Variants in FAM13C observed in about 807,000 individuals in gnomAD.
FAM13C encodes family with sequence similarity 13 member C, also known as protein FAM13C.
In FAM13C, 37 loss-of-function variants were observed where a neutral mutation model predicts 73.2. The ratio of observed to expected loss-of-function variants is 0.51; its 90% CI spans 0.39 to 0.67. The LOEUF (loss-of-function observed/expected upper bound fraction) is 0.67. Ranked by LOEUF, FAM13C falls within the 30% of genes least tolerant of loss-of-function variation. FAM13C has a pLI of 0.00. For synonymous variants in FAM13C, 246 were observed against 260.9 expected (o/e 0.94, Z 0.55); for missense variants, 589 against 715.6 (o/e 0.82, Z 2.02).
chr10:59,345,065 T>C (rs1242366478), intron 3 of FAM13C, among the ~76,000 whole-genome samples: 2 of 152,150 alleles, frequency 1.3e-5, no homozygotes, highest in Non-Finnish European at 2.9e-5. Context: ...TATTTAAGTA[T>C]GTAAAAGATG....
intron 11 of FAM13C, chr10:59,253,744 C>T (rs1051665917): frequency 6.6e-6 from 1 of 152,050 alleles, no homozygotes; most frequent in Non-Finnish European, 1.5e-5. Flanking sequence ...AATATTTATT[C>T]CTTTTTATAT....
intron 13 of FAM13C, 68 bp downstream of exon 13, chr10:59,251,507 T>C: frequency 7.3e-7 from 1 of 1,377,558 alleles, no homozygotes; most frequent in Non-Finnish European, 1.0e-6. Context: ...TGCAAAAAAT[T>C]GCAGCTCATT....
At chr10:59,361,140 T>A in intron 1 of FAM13C, 1 of 1,271,626 alleles carries the variant, frequency 7.9e-7, no homozygotes, top group Non-Finnish European at 1.0e-6. Flanking sequence ...CAGCACAGGT[T>A]ACCAAGCAAT....
At chr10:59,318,284 C>T (rs58599911) in intron 4 of FAM13C, among the ~76,000 whole-genome samples, 6,865 of 151,440 alleles carry the variant, frequency 0.045, 532 homozygotes, top group African/African-American at 0.16. Flanking sequence ...AAAAAAACAA[C>T]AAAAAAGGAA....
At chr10:59,317,589 C>A (rs556528019) in intron 4 of FAM13C, among the ~76,000 whole-genome samples, 38 of 152,094 alleles carry the variant, frequency 2.5e-4, no homozygotes, top group African/African-American at 8.4e-4. Flanking sequence ...ATGAACTCAC[C>A]AACCTTGTGA....
intron 4 of FAM13C, 24 bp from the exon 5 acceptor site, chr10:59,302,888 T>C: frequency 1.2e-6 from 2 of 1,607,098 alleles, no homozygotes; most frequent in South Asian, 2.2e-5. Context: ...AGAAAAATTA[T>C]TTCCATTTAA....
chr10:59,294,095 C>T lies in FAM13C; in HGVS notation c.507+8706G>A, dbSNP rs118093934. Among the ~76,000 whole-genome samples, 48 of 152,260 alleles carry T rather than the reference C, an allele frequency of 3.2e-4. No individual in the cohort carries two copies. In the East Asian group the frequency reaches 8.3e-3, roughly 26 times the overall value. On this transcript the variant is annotated intron_variant, in intron 5 of 13. Transcript: ENST00000618804. ...AAAATGAAAATTTTAAGAACAATTT[C>T]TAAGTGAAAGGTTGTTCATGGACTT...
At chr10:59,358,736 A>C (rs770219505) in intron 1 of FAM13C, among the ~76,000 whole-genome samples, 1 of 152,194 alleles carries the variant, frequency 6.6e-6, no homozygotes, top group Non-Finnish European at 1.5e-5. Context: ...CTCAAAGTAC[A>C]ATCAGTTAAA....
intron 3 of FAM13C, among the ~76,000 whole-genome samples, chr10:59,333,118 G>A (rs928107505): frequency 1.3e-5 from 2 of 152,004 alleles, no homozygotes; most frequent in Non-Finnish European, 2.9e-5. Flanking sequence ...CGGGACTACA[G>A]GCATACGTTA....
At chr10:59,304,835 G>A (rs1159521839) in intron 4 of FAM13C, among the ~76,000 whole-genome samples, 11 of 27,328 alleles carry the variant, frequency 4.0e-4, no homozygotes, top group Non-Finnish European at 1.2e-3. Flanking sequence ...GGGAGGGGGC[G>A]GGGGAGGGGG....
Position 59,247,411 on chromosome 10 carries a change from T to C in FAM13C, c.*203A>G, listed in dbSNP as rs1412711473. The C allele has an allele frequency of 1.8e-6, 1 of 568,530 alleles. No individual in the cohort carries two copies. Among genetic ancestry groups the C allele is most frequent in the East Asian group, 3.3e-5 (1 of 30,466 alleles). 35.2% of individuals were successfully genotyped at this position (568,530 alleles called of 1,614,324 possible). A position where few individuals can be genotyped will look rare whatever the true frequency, so the allele number is the denominator to read the frequency against. ...GACACTGAATTTTTTCCCAATTATA[T>C]GGCTACCTGTTGTATTCTTCCCCCC... is the stretch of plus-strand genomic sequence containing the variant. On this transcript the variant is annotated 3_prime_UTR_variant, in exon 14 of 14. Coordinates refer to ENST00000618804, the MANE Select transcript of FAM13C (RefSeq NM_198215.4).
intron 11 of FAM13C, chr10:59,253,626 A>T (rs1841627697): frequency 6.6e-6 from 1 of 152,430 alleles, no homozygotes; most frequent in African/African-American, 2.4e-5. Flanking sequence ...AATTCCAAAG[A>T]CTATGAATTA....
chr10:59,263,870 G>A (rs929430704), intron 9 of FAM13C: 6 of 545,974 alleles, frequency 1.1e-5, no homozygotes, highest in South Asian at 4.3e-5. Flanking sequence ...TTGGGAGTCT[G>A]GAGGTCCTCA....
At chr10:59,349,001 T>TAAAATCAGAAATA (rs1854678088) in intron 3 of FAM13C, among the ~76,000 whole-genome samples, 1 of 152,222 alleles carries the variant, frequency 6.6e-6, no homozygotes. Flanking sequence ...TTCATTTTTA[T>TAAAATCAGAAATA]AAAATCAGAA....
intron 3 of FAM13C, among the ~76,000 whole-genome samples, chr10:59,334,679 T>C (rs1327027389): frequency 1.4e-5 from 2 of 147,936 alleles, no homozygotes; most frequent in Non-Finnish European, 3.0e-5. Context: ...AAACACTGCA[T>C]GTTCTTACTC....
chr10:59,302,705 TTTTC>T lies in FAM13C; in HGVS notation c.507+92_507+95del, dbSNP rs1847738443. 3.1e-5 allele frequency: 37 copies of T among 1,179,298 alleles called. No individual in the cohort carries two copies. The South Asian group carries it at 4.6e-4, about 15-fold the overall frequency. 73.1% of individuals were successfully genotyped at this position (1,179,298 alleles called of 1,614,324 possible). A position where few individuals can be genotyped will look rare whatever the true frequency, so the allele number is the denominator to read the frequency against. On this transcript the variant is annotated intron_variant, in intron 5 of 13. Transcript: ENST00000618804. ...TTCACTTAAAAGCAAAAATACTAAG[TTTTC>T]ATGAGAATGAATTCCTAGTACTGTG...
rs950252478 is a variant in FAM13C, at chr10:59,362,405, A to G, written c.56T>C (p.Val19Ala). 11 of 1,614,038 alleles carry G rather than the reference A, an allele frequency of 6.8e-6. No individual in the cohort carries two copies. Among genetic ancestry groups the G allele is most frequent in the Admixed American group, 1.7e-5 (1 of 60,000 alleles). Reference sequence around the variant, plus strand: ...AATGGTAAGAATCACTTACTCTGTTACAGTGGTGCTGCTGAAGGAATTATC... The same window carrying G: ...AATGGTAAGAATCACTTACTCTGTTGCAGTGGTGCTGCTGAAGGAATTATC... ...LQDNSFSSTT[V>A]TECDEDPVSL... The change falls in exon 1 of 14, where the codon GTA becomes GCA. Residue 19 changes from valine to alanine, a missense_variant. Val to Ala is a moderately conservative substitution (Grantham distance 64). Coordinates refer to ENST00000618804, the MANE Select transcript of FAM13C (RefSeq NM_198215.4).
intron 4 of FAM13C, among the ~76,000 whole-genome samples, chr10:59,313,774 C>T (rs1368380182): frequency 6.6e-6 from 1 of 151,992 alleles, no homozygotes; most frequent in Non-Finnish European, 1.5e-5. Context: ...CCAGTGTACA[C>T]AAAAGCAAAC....
intron 5 of FAM13C, 135 bp from the exon 6 acceptor site, chr10:59,283,582 G>C: frequency 1.2e-6 from 1 of 836,816 alleles, no homozygotes; most frequent in Admixed American, 1.8e-5. Flanking sequence ...CGCAGCTCCC[G>C]CAAGCACCTT....
Sources: allele counts gnomAD v4.1 joint callset (sites outside exome capture counted in the v4.1 genomes callset), GRCh38; gene constraint gnomAD v4.1.1; transcripts MANE v1.5; gene names NCBI Gene and HGNC (gene_info 2026-07-23, HGNC 2026-07-21).